The following PCDH9 variants were observed in gnomAD, a reference collection of about 807,000 sequenced individuals.
PCDH9 encodes protocadherin 9, also known as protocadherin-9.
A neutral mutation model predicts 70.6 loss-of-function variants in PCDH9; 24 were observed. The ratio of observed to expected loss-of-function variants is 0.34; its 90% CI spans 0.25 to 0.48. The LOEUF is 0.48. Ranked by LOEUF, PCDH9 falls within the 20% of genes least tolerant of loss-of-function variation. The probability of loss-of-function intolerance (pLI) is 0.99; values close to 1 mark genes in which losing one functional copy is unlikely to be tolerated. For synonymous variants in PCDH9, 562 were observed against 558.5 expected, an observed-to-expected ratio of 1.01 and a Z score of -0.09; for missense variants, 1,281 against 1,503.6, an observed-to-expected ratio of 0.85 and a Z score of 2.45.
chr13:67,046,383 T>C (rs147405941), intron 2 of PCDH9, among the ~76,000 whole-genome samples: 43 of 152,298 alleles, frequency 2.8e-4, no homozygotes, highest in African/African-American at 9.6e-4. Flanking sequence ...AACTTTCTCC[T>C]GTTTGATAAA....
At chr13:66,468,719 A>C (rs1011075506) in intron 4 of PCDH9, among the ~76,000 whole-genome samples, 2 of 152,150 alleles carry the variant, frequency 1.3e-5, no homozygotes, top group African/African-American at 4.8e-5. Flanking sequence ...TCAAATTTAT[A>C]CATATTAACA....
chr13:66,918,024 T>C (rs1165403594), intron 2 of PCDH9, among the ~76,000 whole-genome samples: 3 of 151,268 alleles, frequency 2.0e-5, no homozygotes. Flanking sequence ...TCGAGGATGA[T>C]TGGTTCCTTC....
chr13:67,004,361 A>C (rs1159877530), intron 2 of PCDH9, among the ~76,000 whole-genome samples: 1 of 151,946 alleles, frequency 6.6e-6, no homozygotes, highest in East Asian at 1.9e-4. Flanking sequence ...ACCTGAGGTC[A>C]GGAGTTCGAG....
chr13:66,493,844 G>A (rs1479829998), intron 4 of PCDH9, among the ~76,000 whole-genome samples: 4 of 152,100 alleles, frequency 2.6e-5, no homozygotes, highest in East Asian at 1.9e-4. Flanking sequence ...TTTAATCAAT[G>A]CTCAAGGCCT....
chr13:67,226,618 G>C lies in PCDH9; in HGVS notation c.1823C>G (p.Thr608Ser), dbSNP rs372418470. The C allele has an allele frequency of 6.8e-6, 11 of 1,613,948 alleles. No individual in the cohort carries two copies. The African/African-American group carries it at 1.3e-4, about 20-fold the overall frequency. Residue 608 changes from threonine to serine, a missense_variant, in exon 2 of 5, where the codon ACT (threonine) becomes AGT (serine). This residue lies in a region of PCDH9 where 798 missense variants were observed against 1,003.1 expected (regional missense o/e 0.80). Coordinates refer to ENST00000377865, the MANE Select transcript of PCDH9 (RefSeq NM_203487.3). The surrounding 1 kb of genome is among the most constrained non-coding windows in gnomAD (Gnocchi z 5.0). ...DADAGENKAV[T>S]LSILNDNDNF... ...ATCATTGTCATTTAGAATGGAAAGAGTCACAGCTTTATTCTCTCCAGCATC... is the reference window on the plus strand; with the variant it reads ...ATCATTGTCATTTAGAATGGAAAGACTCACAGCTTTATTCTCTCCAGCATC...
intron 4 of PCDH9, among the ~76,000 whole-genome samples, chr13:66,377,811 C>A (rs1956776244): frequency 6.6e-6 from 1 of 152,184 alleles, no homozygotes; most frequent in African/African-American, 2.4e-5. Context: ...TGATAAAATT[C>A]TTGCTGTCAA....
intron 3 of PCDH9, among the ~76,000 whole-genome samples, chr13:66,708,706 A>T (rs1178077540): frequency 1.1e-4 from 16 of 152,238 alleles, no homozygotes; most frequent in Admixed American, 1.0e-3. Context: ...ATGTGACTCA[A>T]ATAACAGACA....
At chr13:66,658,263 T>C (rs952256850) in intron 3 of PCDH9, among the ~76,000 whole-genome samples, 1 of 152,186 alleles carries the variant, frequency 6.6e-6, no homozygotes. Flanking sequence ...CTTTGAGATA[T>C]GTTTAATTTG....
rs1025933029 is a variant in PCDH9, at chr13:66,777,053, G to A, written c.3138+126451C>T. 2.0e-4 allele frequency among the ~76,000 whole-genome samples: 30 copies of A among 150,980 alleles called. No individual in the cohort carries two copies. The South Asian group carries it at 4.2e-3, about 21-fold the overall frequency. ...GAAAGGATTCCCCATTTAATAAATGGTGCTGGGAAAACTGGCTAGCCATAT... is the reference window on the plus strand; with the variant it reads ...GAAAGGATTCCCCATTTAATAAATGATGCTGGGAAAACTGGCTAGCCATAT... On this transcript the variant is annotated intron_variant, in intron 3 of 4. Transcript: ENST00000377865.
Position 66,933,466 on chromosome 13 carries a change from A to G in PCDH9, c.3037-29861T>C, listed in dbSNP as rs892047615. Among the ~76,000 whole-genome samples, 12 of 152,214 alleles carry G rather than the reference A, an allele frequency of 7.9e-5. 1 individual carries two copies. Among genetic ancestry groups the G allele is most frequent in the Non-Finnish European group, 1.2e-4 (8 of 68,020 alleles). Reference sequence around the variant, plus strand: ...TATTCTTTCATGATCCAAAAAATACAGCCAAGTTTGGCACCCACTGGGAAG... The same window carrying G: ...TATTCTTTCATGATCCAAAAAATACGGCCAAGTTTGGCACCCACTGGGAAG... On this transcript the variant is annotated intron_variant, in intron 2 of 4. Transcript: ENST00000377865.
intron 4 of PCDH9, among the ~76,000 whole-genome samples, chr13:66,331,769 T>C (rs555338148): frequency 2.0e-5 from 3 of 152,204 alleles, no homozygotes; most frequent in Non-Finnish European, 2.9e-5. Context: ...AGACCATTCA[T>C]ACTTGCTCTG....
rs76221686 is a variant in PCDH9, at chr13:67,103,825, G to A, written c.3036+121580C>T. On this transcript the variant is annotated intron_variant, in intron 2 of 4. Coordinates refer to ENST00000377865, the MANE Select transcript of PCDH9 (RefSeq NM_203487.3). Reference sequence around the variant, plus strand: ...ATTGACTAGGCAGTGGGGAACCATCGAAAATCTTTGAGCATGGAATTCACA... The same window carrying A: ...ATTGACTAGGCAGTGGGGAACCATCAAAAATCTTTGAGCATGGAATTCACA... Among the ~76,000 whole-genome samples, 999 of 152,158 alleles carry A rather than the reference G, an allele frequency of 6.6e-3. 5 individuals carry two copies. Among genetic ancestry groups the A allele is most frequent in the Admixed American group, 8.4e-3 (128 of 15,282 alleles).
intron 3 of PCDH9, among the ~76,000 whole-genome samples, chr13:66,779,073 AT>A (rs1454408070): frequency 6.6e-6 from 1 of 151,980 alleles, no homozygotes; most frequent in Admixed American, 6.5e-5. Context: ...AATATTTCAT[AT>A]TTTTAAATAT....
At position 67,068,669 on chromosome 13, in the gene PCDH9, C is replaced by G. The variant is rs566830071; in HGVS notation, c.3036+156736G>C. On this transcript the variant is annotated intron_variant, in intron 2 of 4. Transcript: ENST00000377865. ...AAACCTCAAACTCATTTCTGAACAG[C>G]CTGTTGCTTGCAGTTTAGAACCCTA... Among the ~76,000 whole-genome samples, 26 of 152,216 alleles carry G rather than the reference C, an allele frequency of 1.7e-4. No homozygotes were observed. In the South Asian group the frequency reaches 5.4e-3, roughly 32 times the overall value.
chr13:67,169,121 G>A (rs1243455410), intron 2 of PCDH9, among the ~76,000 whole-genome samples: 1 of 152,118 alleles, frequency 6.6e-6, no homozygotes, highest in African/African-American at 2.4e-5. Flanking sequence ...GCACCACTGG[G>A]GAAAATCAGT....
chr13:66,647,398 C>T (rs2077786463), intron 3 of PCDH9, among the ~76,000 whole-genome samples: 1 of 152,046 alleles, frequency 6.6e-6, no homozygotes, highest in Non-Finnish European at 1.5e-5. Context: ...CTTGAGGCCC[C>T]CAATCCAGGC....
chr13:66,714,521 C>T lies in PCDH9; in HGVS notation c.3139-83110G>A, dbSNP rs138829925. ...TTTATAGGAATGAAGAGCAGTTTTA[C>T]GGTTCAACAAATAAGTAACGGTTAT... On this transcript the variant is annotated intron_variant, in intron 3 of 4. Transcript: ENST00000377865. 4.1e-3 allele frequency among the ~76,000 whole-genome samples: 621 copies of T among 151,032 alleles called. 2 individuals carry two copies. The highest frequency in any genetic ancestry group is 0.013 in the African/African-American group (545 of 41,234).
chr13:66,793,132 T>C (rs2080187957), intron 3 of PCDH9, among the ~76,000 whole-genome samples: 1 of 151,566 alleles, frequency 6.6e-6, no homozygotes. Flanking sequence ...TATAAAGATA[T>C]GTATATAAAT....
intron 4 of PCDH9, among the ~76,000 whole-genome samples, chr13:66,332,161 A>G (rs981406117): frequency 6.6e-6 from 1 of 152,134 alleles, no homozygotes; most frequent in Non-Finnish European, 1.5e-5. Context: ...CTTACCTAGG[A>G]AAGAATTTCC....
Sources: gnomAD v4.1 joint callset for allele counts (sites outside exome capture counted in the v4.1 genomes callset) on GRCh38, gnomAD v4.1.1 for gene constraint, gnomAD v4.1.1 regional missense constraint, Gnocchi (gnomAD v3.1) non-coding constraint, MANE v1.5 for transcripts, NCBI Gene and HGNC (gene_info 2026-07-23, HGNC 2026-07-21) for gene names.